Variants in PRELID2 observed in about 807,000 individuals in gnomAD.
The protein encoded by PRELID2 is PRELI domain containing 2, also known as PRELI domain-containing protein 2.
A neutral mutation model predicts 28.4 loss-of-function variants in PRELID2; 25 were observed. The ratio of observed to expected loss-of-function variants is 0.88; its 90% confidence interval spans 0.64 to 1.23. PRELID2 has a LOEUF of 1.23. PRELID2 is among the 50% of genes most tolerant of loss of function. The pLI is 0.00. For synonymous variants in PRELID2, 76 were observed against 71.6 expected (o/e 1.06, Z -0.31); for missense variants, 201 against 214.4 (o/e 0.94, Z 0.39).
At chr5:145,652,365 G>A (rs1754313423) in intron 1 of PRELID2, among the ~76,000 whole-genome samples, 1 of 152,098 alleles carries the variant, frequency 6.6e-6, no homozygotes, top group Admixed American at 6.6e-5. Flanking sequence ...ACCTAGCAAG[G>A]CAGGCCAACA....
chr5:145,369,973 A>T, the PRELID2 span, among the ~76,000 whole-genome samples: 11 of 146,188 alleles, frequency 7.5e-5, no homozygotes, highest in African/African-American at 2.2e-4. Context: ...TTTTTTTTGT[A>T]AATTTGTTTT....
At chr5:145,651,282 A>G (rs1277701194) in intron 1 of PRELID2, among the ~76,000 whole-genome samples, 3 of 152,140 alleles carry the variant, frequency 2.0e-5, no homozygotes, top group Non-Finnish European at 4.4e-5. Context: ...GGTGGAGCCC[A>G]CTGCAGGTCA....
intron 1 of PRELID2, among the ~76,000 whole-genome samples, chr5:145,699,629 G>C: frequency 6.6e-6 from 1 of 151,986 alleles, no homozygotes; most frequent in Non-Finnish European, 1.5e-5. Context: ...GTGACACTGG[G>C]GTATTTTTAA....
chr5:145,468,533 A>G (rs972106197), downstream of PRELID2, among the ~76,000 whole-genome samples: 2 of 152,198 alleles, frequency 1.3e-5, no homozygotes, highest in Admixed American at 1.3e-4. Context: ...AGTCCCACCT[A>G]TAGTGTAAAA....
At chr5:145,518,135 T>TATTATA (rs1752533105) in intron 1 of PRELID2, among the ~76,000 whole-genome samples, 1 of 142,526 alleles carries the variant, frequency 7.0e-6, no homozygotes, top group African/African-American at 2.6e-5. Context: ...GAACTTGAAG[T>TATTATA]ATAATAATAA....
At chr5:145,716,734 C>G (rs1755854514) in intron 1 of PRELID2, among the ~76,000 whole-genome samples, 1 of 152,106 alleles carries the variant, frequency 6.6e-6, no homozygotes, top group African/African-American at 2.4e-5. Flanking sequence ...TACTGAAGAT[C>G]TGAATATTTT....
chr5:145,488,306 G>C (rs1284262583), intron 1 of PRELID2, among the ~76,000 whole-genome samples: 2 of 152,094 alleles, frequency 1.3e-5, no homozygotes, highest in Non-Finnish European at 2.9e-5. Context: ...AAGATTATCA[G>C]ATACATGCAA....
Position 145,757,618 on chromosome 5 carries a change from A to G in PRELID2, c.*2918T>C, listed in dbSNP as rs1441952927. 6.6e-6 allele frequency among the ~76,000 whole-genome samples: 1 copy of G among 152,124 alleles called. No individual in the cohort carries two copies. Among genetic ancestry groups the G allele is most frequent in the Non-Finnish European group, 1.5e-5 (1 of 68,032 alleles). On this transcript the variant is annotated 3_prime_UTR_variant, in exon 7 of 7. Transcript: ENST00000683046. ...CAGAATAAAAAACATGGACTTCTAA[A>G]TGTTTTATCACAAAACATATAATTT...
At chr5:145,511,410 G>A (rs1310846330) in intron 1 of PRELID2, among the ~76,000 whole-genome samples, 1 of 152,156 alleles carries the variant, frequency 6.6e-6, no homozygotes, top group African/African-American at 2.4e-5. Context: ...GAAAAATCAA[G>A]GAATGGAGAG....
chr5:145,770,330 A>T (rs1230076717), intron 5 of PRELID2, among the ~76,000 whole-genome samples: 1 of 152,100 alleles, frequency 6.6e-6, no homozygotes, highest in Non-Finnish European at 1.5e-5. Context: ...AGCTTTGGCA[A>T]CATAGTAAGA....
the PRELID2 span, among the ~76,000 whole-genome samples, chr5:145,425,071 A>G: frequency 1.1e-4 from 2 of 17,598 alleles, no homozygotes; most frequent in South Asian, 9.7e-4. Flanking sequence ...AATGTACAAG[A>G]AAAAAAAACA....
the PRELID2 span, among the ~76,000 whole-genome samples, chr5:145,246,081 T>C: frequency 2.0e-5 from 3 of 151,998 alleles, no homozygotes; most frequent in Non-Finnish European, 2.9e-5. Flanking sequence ...TTACTTAGAA[T>C]ACACAAAATC....
At chr5:145,285,230 A>G in the PRELID2 span, among the ~76,000 whole-genome samples, 1 of 152,142 alleles carries the variant, frequency 6.6e-6, no homozygotes, top group African/African-American at 2.4e-5. Flanking sequence ...AGAAGATGGC[A>G]TTACTATGGG....
chr5:145,460,148 C>T, the PRELID2 span, among the ~76,000 whole-genome samples: 1 of 152,278 alleles, frequency 6.6e-6, no homozygotes, highest in South Asian at 2.1e-4. Flanking sequence ...AGAGTTATCA[C>T]AATTCATGTC....
At position 145,817,202 on chromosome 5, in the gene PRELID2, A is replaced by AAAATACAT. The variant is rs1341052896; in HGVS notation, c.368+691_368+692insATGTATTT. On this transcript the variant is annotated intron_variant, in intron 4 of 6. Transcript: ENST00000683046. ...CAAGACTGCATTTCAAAAAAAAATAAATAAATAAATAAAAAAAAATATATA... is the reference window on the plus strand; with the variant it reads ...CAAGACTGCATTTCAAAAAAAAATAAAAATACATATAAATAAATAAAAAAAAATATATA... Among the ~76,000 whole-genome samples the AAAATACAT allele has an allele frequency of 9.7e-5, 5 of 51,400 alleles. No homozygotes were observed. In the East Asian group the frequency reaches 1.7e-3, roughly 17 times the overall value. The allele number at this position is 51,400 out of a possible 152,430, so 33.7% of individuals were successfully genotyped here.
At chr5:145,695,858 A>G (rs955754655) in intron 1 of PRELID2, among the ~76,000 whole-genome samples, 1 of 152,098 alleles carries the variant, frequency 6.6e-6, no homozygotes, top group Non-Finnish European at 1.5e-5. Context: ...ACCATAGTCA[A>G]CTGATCACAT....
At chr5:145,527,416 C>T (rs1453550907) in intron 1 of PRELID2, among the ~76,000 whole-genome samples, 2 of 152,172 alleles carry the variant, frequency 1.3e-5, no homozygotes, top group South Asian at 2.1e-4. Context: ...GTTAAGCATA[C>T]ATAGGATCTC....
At chr5:145,250,170 A>G in the PRELID2 span, among the ~76,000 whole-genome samples, 1 of 152,116 alleles carries the variant, frequency 6.6e-6, no homozygotes, top group African/African-American at 2.4e-5. Context: ...TAGAATTACA[A>G]TGATCAATGT....
At chr5:145,628,340 T>G (rs1022606006) in intron 1 of PRELID2, among the ~76,000 whole-genome samples, 1 of 152,208 alleles carries the variant, frequency 6.6e-6, no homozygotes, top group Non-Finnish European at 1.5e-5. Context: ...ATTTTTATTT[T>G]TTAGACGGAT....
Sources: allele counts gnomAD v4.1 joint callset (sites outside exome capture counted in the v4.1 genomes callset), GRCh38; gene constraint gnomAD v4.1.1; transcripts MANE v1.5; gene names NCBI Gene and HGNC (gene_info 2026-07-23, HGNC 2026-07-21).